ZFYVE28: variants seen among roughly 807,000 people sequenced by gnomAD.
ZFYVE28 encodes the protein zinc finger FYVE-type containing 28, also known as lateral signaling target protein 2 homolog.
Under a neutral mutation model 82.1 loss-of-function variants are expected in ZFYVE28, and 40 were observed. That is an observed-to-expected ratio of 0.49 (90% CI 0.38 to 0.63). The LOEUF is 0.63. Among genes scored for constraint, ZFYVE28 ranks in the 30% least tolerant of loss-of-function variants. The probability of loss-of-function intolerance (pLI) is 0.00; values close to 1 mark genes in which losing one functional copy is unlikely to be tolerated. For synonymous variants in ZFYVE28, 612 were observed against 546.1 expected (o/e 1.12, Z -1.68); for missense variants, 1,321 against 1,242.1 (o/e 1.06, Z -0.96).
chr4:2,285,839 C>G (rs1170573685), intron 8 of ZFYVE28: 1 of 152,450 alleles, frequency 6.6e-6, no homozygotes, highest in Non-Finnish European at 1.5e-5. Context: ...AGGGCTGCCC[C>G]GCCCTGGTCA....
chr4:2,304,561 G>A lies in ZFYVE28; in HGVS notation c.1779C>T (p.Ala593=), dbSNP rs775755707. 14 of 1,612,772 alleles carry A rather than the reference G, an allele frequency of 8.7e-6. No homozygotes were observed. The change falls in exon 8 of 13, where the codon GCC becomes GCT. Residue 593 remains alanine, a synonymous_variant. Coordinates refer to ENST00000290974, the MANE Select transcript of ZFYVE28 (RefSeq NM_020972.3). ...CCTTGGCTAAGCCGGCAGCGTACGA[G>A]GCACCAATGACGCCTCCCGGGCTGC... ...EKCSPGGVIG[A]SYAAGLAKAS...
chr4:2,411,086 C>A (rs1325831159), intron 1 of ZFYVE28, among the ~76,000 whole-genome samples: 1 of 152,204 alleles, frequency 6.6e-6, no homozygotes, highest in Non-Finnish European at 1.5e-5. Context: ...CCAGTCTCCC[C>A]AGGAAGCCGG....
At position 2,394,066 on chromosome 4, in the gene ZFYVE28, A is replaced by C. The variant is rs1730128110; in HGVS notation, c.39+24219T>G. ...TTCCCGACGCACGGCCGCCTCCCGG[A>C]CCTTCAGAGCCAGCGGCATTGCACG... On this transcript the variant is annotated intron_variant, in intron 1 of 12. Transcript: ENST00000290974. This position sits in a 1 kb window ranked among gnomAD's most constrained non-coding sequence, Gnocchi z 4.0. Among the ~76,000 whole-genome samples the C allele has an allele frequency of 6.6e-6, 1 of 151,922 alleles. No individual in the cohort carries two copies. The highest frequency in any genetic ancestry group is 2.4e-5 in the African/African-American group (1 of 41,346).
At chr4:2,291,628 G>C (rs962539818) in intron 8 of ZFYVE28, among the ~76,000 whole-genome samples, 2 of 152,206 alleles carry the variant, frequency 1.3e-5, no homozygotes, top group Admixed American at 6.5e-5. Context: ...CAGGGCTGGG[G>C]GTCCTGGGGT....
intron 7 of ZFYVE28, among the ~76,000 whole-genome samples, chr4:2,312,557 T>C (rs1257357220): frequency 6.6e-6 from 1 of 150,828 alleles, no homozygotes; most frequent in Non-Finnish European, 1.5e-5. Context: ...TGAAACCCCG[T>C]CACTACTAAA....
Position 2,341,942 on chromosome 4 carries a change from C to T in ZFYVE28, c.181-327G>A, listed in dbSNP as rs1181136712. Among the ~76,000 whole-genome samples the T allele has an allele frequency of 2.0e-5, 3 of 152,194 alleles. No individual in the cohort carries two copies. The highest frequency in any genetic ancestry group is 4.1e-4 in the South Asian group (2 of 4,836). ...GGCTGAGGCAGGAGAATCACTTGAACCAGGGAGGCAGAGGTTGCAGTGAGC... is the reference window on the plus strand; with the variant it reads ...GGCTGAGGCAGGAGAATCACTTGAATCAGGGAGGCAGAGGTTGCAGTGAGC... On this transcript the variant is annotated intron_variant, in intron 2 of 12. Transcript: ENST00000290974. This position sits in a 1 kb window ranked among gnomAD's most constrained non-coding sequence, Gnocchi z 4.5.
intron 7 of ZFYVE28, among the ~76,000 whole-genome samples, chr4:2,312,719 T>C (rs1392460665): frequency 2.9e-5 from 3 of 104,340 alleles, no homozygotes; most frequent in African/African-American, 4.0e-5. Flanking sequence ...AGAGCGAGAC[T>C]CTGCCTCAAA....
At position 2,346,297 on chromosome 4, in the gene ZFYVE28, G is replaced by A. The variant is rs1166141070; in HGVS notation, c.181-4682C>T. On this transcript the variant is annotated intron_variant, in intron 2 of 12. Coordinates refer to ENST00000290974, the MANE Select transcript of ZFYVE28 (RefSeq NM_020972.3). ...GCAGAGCTAGCAGTGAGCCGAGATCGCGCCACTGCACTCCAGCCTGGGTGA... is the reference window on the plus strand; with the variant it reads ...GCAGAGCTAGCAGTGAGCCGAGATCACGCCACTGCACTCCAGCCTGGGTGA... Among the ~76,000 whole-genome samples, 36 of 149,426 alleles carry A rather than the reference G, an allele frequency of 2.4e-4. No individual in the cohort carries two copies. The South Asian group carries it at 2.9e-3, about 12-fold the overall frequency.
intron 2 of ZFYVE28, among the ~76,000 whole-genome samples, chr4:2,349,159 T>C (rs994216365): frequency 7.2e-5 from 11 of 152,190 alleles, no homozygotes; most frequent in African/African-American, 2.4e-4. Context: ...GCTGAATGTA[T>C]ATACTGGCAT....
At chr4:2,358,130 A>T (rs1469520651) in intron 1 of ZFYVE28, among the ~76,000 whole-genome samples, 1 of 152,046 alleles carries the variant, frequency 6.6e-6, no homozygotes, top group African/African-American at 2.4e-5. Context: ...TGCTCTGGAG[A>T]GGCCAAGAAC....
At chr4:2,358,990 T>C (rs888151360) in intron 1 of ZFYVE28, among the ~76,000 whole-genome samples, 3 of 150,500 alleles carry the variant, frequency 2.0e-5, no homozygotes, top group Non-Finnish European at 3.0e-5. Flanking sequence ...TTTTTTTTTT[T>C]TTGAGACAGA....
At chr4:2,377,267 C>T (rs1028620003) in intron 1 of ZFYVE28, among the ~76,000 whole-genome samples, 3 of 151,750 alleles carry the variant, frequency 2.0e-5, no homozygotes, top group East Asian at 1.9e-4. Flanking sequence ...GTGATCCGCC[C>T]GCCTCGGCCT....
chr4:2,273,933 T>C, intron 9 of ZFYVE28, 129 bp downstream of exon 9: 1 of 1,089,822 alleles, frequency 9.2e-7, no homozygotes, highest in Non-Finnish European at 1.3e-6. Flanking sequence ...TGCTGGCTCC[T>C]TAGGGGCAGA....
chr4:2,288,346 A>G (rs149954152), intron 8 of ZFYVE28, among the ~76,000 whole-genome samples: 1 of 152,334 alleles, frequency 6.6e-6, no homozygotes, highest in Non-Finnish European at 1.5e-5. Context: ...ATCTCTAATG[A>G]GGGCAAGTCC....
At chr4:2,276,504 G>A (rs1017927485) in intron 8 of ZFYVE28, among the ~76,000 whole-genome samples, 9 of 152,188 alleles carry the variant, frequency 5.9e-5, no homozygotes, top group Non-Finnish European at 5.9e-5. Flanking sequence ...TTTGGGACTC[G>A]GACAGATACT....
chr4:2,340,890 G>A (rs144699386), intron 3 of ZFYVE28, among the ~76,000 whole-genome samples: 65 of 152,200 alleles, frequency 4.3e-4, no homozygotes, highest in Admixed American at 1.4e-3. Flanking sequence ...GGATGGGGAC[G>A]GCACAATAGA....
Position 2,418,159 on chromosome 4 carries a change from CG to C in ZFYVE28, c.39+125del, listed in dbSNP as rs1440160894. 1.3e-5 allele frequency: 10 copies of C among 789,306 alleles called. No individual in the cohort carries two copies. Among genetic ancestry groups the C allele is most frequent in the African/African-American group, 1.9e-5 (1 of 53,896 alleles). The allele number at this position is 789,306 out of a possible 1,614,324, so 48.9% of individuals were successfully genotyped here. A position where few individuals can be genotyped will look rare whatever the true frequency, so the allele number is the denominator to read the frequency against. On this transcript the variant is annotated intron_variant, in intron 1 of 12. Transcript: ENST00000290974. This position sits in a 1 kb window ranked among gnomAD's most constrained non-coding sequence, Gnocchi z 4.6. ...AGTCTTGGAGTGGAGGGAAGGATGT[CG>C]GCGGTGGGGGAAGAGGCCGGCCACG...
intron 8 of ZFYVE28, 54 bp downstream of exon 8, chr4:2,304,235 T>C (rs1716121176): frequency 6.7e-7 from 1 of 1,502,486 alleles, no homozygotes. Context: ...CGCCAGCACC[T>C]GCCCCCCAGT....
intron 1 of ZFYVE28, among the ~76,000 whole-genome samples, chr4:2,361,537 C>T (rs926125415): frequency 1.3e-5 from 2 of 152,222 alleles, no homozygotes; most frequent in Non-Finnish European, 2.9e-5. Flanking sequence ...ACCCCACCCA[C>T]TGGGGCAGGC....
Sources: gnomAD v4.1 joint callset for allele counts (sites outside exome capture counted in the v4.1 genomes callset) on GRCh38, gnomAD v4.1.1 for gene constraint, Gnocchi (gnomAD v3.1) non-coding constraint, MANE v1.5 for transcripts, NCBI Gene and HGNC (gene_info 2026-07-23, HGNC 2026-07-21) for gene names.